Variants in ZHX3 observed in about 807,000 individuals in gnomAD.
ZHX3 encodes the protein zinc fingers and homeoboxes 3.
ZHX3 carries 20 observed loss-of-function variants against 64.5 expected under a neutral mutation model. That is an observed-to-expected ratio of 0.31 (90% CI 0.22 to 0.45). The LOEUF (loss-of-function observed/expected upper bound fraction) is 0.45. Ranked by LOEUF, ZHX3 falls within the 20% of genes least tolerant of loss-of-function variation. ZHX3 has a pLI of 1.00. For synonymous variants in ZHX3, 423 were observed against 461.6 expected (o/e 0.92, Z 1.07); for missense variants, 1,041 against 1,195.8 (o/e 0.87, Z 1.91).
At position 41,232,397 on chromosome 20, in the gene ZHX3, T is replaced by G. The variant is rs1230304037; in HGVS notation, c.-150-27331A>C. Among the ~76,000 whole-genome samples the G allele has an allele frequency of 6.6e-6, 1 of 152,000 alleles. No homozygotes were observed. The highest frequency in any genetic ancestry group is 1.5e-5 in the Non-Finnish European group (1 of 67,996). ...TGTGGTGTAGCCATGTCTGAACTCA[T>G]CTGTTATGCTGGGAAAGCAGCAAGT... is the stretch of plus-strand genomic sequence containing the variant. On this transcript the variant is annotated intron_variant, in intron 2 of 3. Coordinates refer to ENST00000683867, the MANE Select transcript of ZHX3 (RefSeq NM_001384317.1). The surrounding 1 kb of genome is among the most constrained non-coding windows in gnomAD (Gnocchi z 5.0).
intron 1 of ZHX3, among the ~76,000 whole-genome samples, chr20:41,311,499 C>T (rs892805686): frequency 2.2e-4 from 34 of 152,174 alleles, no homozygotes; most frequent in African/African-American, 8.2e-4. Flanking sequence ...ATATAACATC[C>T]TAACCCAAGT....
In ZHX3 at chr20:41,203,805, G is replaced by A; in HGVS notation, c.1112C>T (p.Ala371Val). 6.2e-7 allele frequency: 1 copy of A among 1,614,230 alleles called. No individual in the cohort carries two copies. Among genetic ancestry groups the A allele is most frequent in the East Asian group, 2.2e-5 (1 of 44,896 alleles). The part of the protein sequence containing the change: ...ISWSPEEIED[A>V]RKKMFNTVIQ... Reference sequence around the variant, plus strand: ...GACTGTATTGAACATCTTTTTCCGGGCATCCTCAATCTCCTCAGGGGACCA... The same window carrying A: ...GACTGTATTGAACATCTTTTTCCGGACATCCTCAATCTCCTCAGGGGACCA... Residue 371 changes from alanine to valine, a missense_variant, in exon 3 of 4, where the codon GCC becomes GTC. Physicochemically the swap from Ala to Val is moderately conservative, Grantham distance 64. Coordinates refer to ENST00000683867, the MANE Select transcript of ZHX3 (RefSeq NM_001384317.1). The surrounding 1 kb of genome is among the most constrained non-coding windows in gnomAD (Gnocchi z 7.1).
intron 3 of ZHX3, among the ~76,000 whole-genome samples, chr20:41,197,311 T>C (rs1358824873): frequency 2.1e-5 from 3 of 146,244 alleles, no homozygotes; most frequent in African/African-American, 4.9e-5. Context: ...TAATTGTATA[T>C]ATTTAAAATA....
rs1383308915 is a variant in ZHX3 at position 41,180,665 on chromosome 20, G to C, written c.*4526C>G. ...CTTCACAACCAAGTGCAGACGCTCG[G>C]TGAGTTCAGAGACCACTTGGTTAGC... On this transcript the variant is annotated 3_prime_UTR_variant, in exon 4 of 4. Transcript: ENST00000683867. 1 of 152,132 alleles carries C rather than the reference G, an allele frequency of 6.6e-6. No individual in the cohort carries two copies. Among genetic ancestry groups the C allele is most frequent in the Non-Finnish European group, 1.5e-5 (1 of 68,032 alleles). 9.4% of individuals were successfully genotyped at this position (152,132 alleles called of 1,614,324 possible).
intron 2 of ZHX3, among the ~76,000 whole-genome samples, chr20:41,236,402 G>A (rs1335572876): frequency 6.6e-6 from 1 of 152,286 alleles, no homozygotes. Flanking sequence ...AAAACAGCAT[G>A]GTACTGGTAC....
intron 3 of ZHX3, chr20:41,188,662 A>G (rs1456015493): frequency 6.6e-6 from 1 of 152,034 alleles, no homozygotes; most frequent in Non-Finnish European, 1.5e-5. Flanking sequence ...CGGCCTCCCA[A>G]AGTGTTGGGA....
chr20:41,222,263 T>C (rs1393564290), intron 2 of ZHX3, among the ~76,000 whole-genome samples: 1 of 152,174 alleles, frequency 6.6e-6, no homozygotes, highest in Non-Finnish European at 1.5e-5. Context: ...GTGAACATTG[T>C]AGCCACGGGA....
chr20:41,295,516 T>C (rs1335539648), intron 1 of ZHX3, among the ~76,000 whole-genome samples: 1 of 152,194 alleles, frequency 6.6e-6, no homozygotes, highest in Non-Finnish European at 1.5e-5. Context: ...AATTCCCTTT[T>C]TAAAAAATTT....
chr20:41,299,047 A>G (rs2044679596), intron 1 of ZHX3, among the ~76,000 whole-genome samples: 1 of 152,210 alleles, frequency 6.6e-6, no homozygotes, highest in Non-Finnish European at 1.5e-5. Context: ...AAAGTCTGCA[A>G]TCCTAATGTC....
intron 1 of ZHX3, chr20:41,316,972 G>A (rs1250377500): frequency 6.6e-6 from 1 of 152,462 alleles, no homozygotes; most frequent in Non-Finnish European, 1.5e-5. Flanking sequence ...TTCGAGTCCT[G>A]GCTCTGCCGC....
intron 2 of ZHX3, among the ~76,000 whole-genome samples, chr20:41,206,112 C>T (rs1048270631): frequency 6.6e-6 from 1 of 152,204 alleles, no homozygotes; most frequent in Non-Finnish European, 1.5e-5. Context: ...AACTAACAAA[C>T]AGAAAGGACA....
intron 1 of ZHX3, among the ~76,000 whole-genome samples, chr20:41,311,916 C>T (rs2045148466): frequency 6.6e-6 from 1 of 152,242 alleles, no homozygotes; most frequent in African/African-American, 2.4e-5. Flanking sequence ...ACCTACTGGA[C>T]TCTGGGCAGA....
chr20:41,263,184 A>C (rs147672010), intron 2 of ZHX3, among the ~76,000 whole-genome samples: 28 of 152,322 alleles, frequency 1.8e-4, no homozygotes, highest in African/African-American at 6.0e-4. Flanking sequence ...AGATAAGTTA[A>C]ACAGACAAAA....
intron 1 of ZHX3, among the ~76,000 whole-genome samples, chr20:41,312,390 GT>G (rs1352466071): frequency 6.6e-6 from 1 of 152,110 alleles, no homozygotes; most frequent in African/African-American, 2.4e-5. Context: ...TGGAAGCTTT[GT>G]TTTTTCGCTC....
At chr20:41,299,096 T>C (rs1361885654) in intron 1 of ZHX3, among the ~76,000 whole-genome samples, 5 of 152,186 alleles carry the variant, frequency 3.3e-5, no homozygotes, top group Admixed American at 2.0e-4. Context: ...TGGGAATCAA[T>C]AGAGTGCAGC....
intron 1 of ZHX3, among the ~76,000 whole-genome samples, chr20:41,275,361 C>T (rs370323151): frequency 3.3e-5 from 5 of 151,966 alleles, no homozygotes; most frequent in South Asian, 4.2e-4. Flanking sequence ...TGTTAGCTAA[C>T]GTAAAATTTG....
At chr20:41,297,647 A>T (rs917181506) in intron 1 of ZHX3, among the ~76,000 whole-genome samples, 1 of 152,074 alleles carries the variant, frequency 6.6e-6, no homozygotes, top group Non-Finnish European at 1.5e-5. Flanking sequence ...CCCTACACAC[A>T]CCTTTCTCTC....
intron 2 of ZHX3, among the ~76,000 whole-genome samples, chr20:41,205,676 CA>C (rs1479652905): frequency 1.3e-5 from 2 of 152,206 alleles, no homozygotes; most frequent in African/African-American, 4.8e-5. Flanking sequence ...GATCACCTTA[CA>C]GTTACTGGCT....
At position 41,193,042 on chromosome 20, in the gene ZHX3, CCT is replaced by C. The variant is rs1233211859; in HGVS notation, c.2861-7843_2861-7842del. On this transcript the variant is annotated intron_variant, in intron 3 of 3. Coordinates refer to ENST00000683867, the MANE Select transcript of ZHX3 (RefSeq NM_001384317.1). ...TTCTTTTTCCTTCCTTACTTTGTTTCCTGTCTCTTTTCCGTGAATTCCAGTGT... is the reference window on the plus strand; with the variant it reads ...TTCTTTTTCCTTCCTTACTTTGTTTCGTCTCTTTTCCGTGAATTCCAGTGT... Among the ~76,000 whole-genome samples the C allele has an allele frequency of 2.0e-5, 3 of 152,194 alleles. No homozygotes were observed. The East Asian group carries it at 5.8e-4, about 29-fold the overall frequency.
Sources: gnomAD v4.1 joint callset for allele counts (sites outside exome capture counted in the v4.1 genomes callset) on GRCh38, gnomAD v4.1.1 for gene constraint, Gnocchi (gnomAD v3.1) non-coding constraint, MANE v1.5 for transcripts, NCBI Gene and HGNC (gene_info 2026-07-23, HGNC 2026-07-21) for gene names.